SH2B2: variants seen among roughly 807,000 people sequenced by gnomAD.
SH2B2 encodes SH2B adaptor protein 2.
SH2B2 carries 37 observed loss-of-function variants against 35.7 expected under a neutral mutation model. The observed-to-expected ratio is 1.04, with a 90% CI of 0.80 to 1.36. The LOEUF (loss-of-function observed/expected upper bound fraction) is 1.36, where lower values mean the gene tolerates loss of function less well. SH2B2 is among the 40% of genes most tolerant of loss of function. SH2B2 has a pLI of 0.00. For missense variants in SH2B2, 852 were observed against 817.7 expected, an observed-to-expected ratio of 1.04 and a Z score of -0.51; for synonymous variants, 383 against 376.4, an observed-to-expected ratio of 1.02 and a Z score of -0.20.
chr7:102,299,254 A>G (rs1793054608), intron 1 of SH2B2, among the ~76,000 whole-genome samples: 2 of 123,468 alleles, frequency 1.6e-5, no homozygotes, highest in Non-Finnish European at 3.2e-5. Context: ...GCTGGAGTGC[A>G]GTAGTGGGAT....
intron 4 of SH2B2, among the ~76,000 whole-genome samples, chr7:102,313,442 C>T (rs988388767): frequency 2.6e-5 from 4 of 151,878 alleles, no homozygotes; most frequent in African/African-American, 7.3e-5. Flanking sequence ...AGCAAGACTC[C>T]CATCTCAAAA....
Position 102,317,161 on chromosome 7 carries a change from T to C in SH2B2, c.1187-26T>C, listed in dbSNP as rs369927479. On this transcript the variant is annotated intron_variant, in intron 6 of 8. Transcript: ENST00000444095. ...TCCCCCTTTCTCCTTCCCCCCATGTTCCTCACACTGTCATCCCCACCTCAG... is the reference window on the plus strand; with the variant it reads ...TCCCCCTTTCTCCTTCCCCCCATGTCCCTCACACTGTCATCCCCACCTCAG... The C allele has an allele frequency of 3.4e-4, 525 of 1,545,966 alleles. 4 individuals carry two copies. The African/African-American group carries it at 6.5e-3, about 19-fold the overall frequency.
At chr7:102,312,590 G>C (rs1793668678) in intron 4 of SH2B2, among the ~76,000 whole-genome samples, 4 of 152,170 alleles carry the variant, frequency 2.6e-5, no homozygotes, top group South Asian at 2.1e-4. Flanking sequence ...TTGAATGGGG[G>C]TCTTATGACC....
rs577202263 is a variant in SH2B2 at position 102,319,466 on chromosome 7, CT to C, written c.1396-864del. ...TGTTGGCCAGGCTGGTCTTGAACTC[CT>C]GACCTCCCGTGATCCATTCCCCTCA... On this transcript the variant is annotated intron_variant, in intron 7 of 8. Transcript: ENST00000444095. 7.2e-4 allele frequency among the ~76,000 whole-genome samples: 109 copies of C among 152,256 alleles called. 1 individual carries two copies. The highest frequency in any genetic ancestry group is 6.8e-3 in the Middle Eastern group (2 of 294).
At chr7:102,306,934 A>G (rs1793425509) in intron 3 of SH2B2, 112 bp downstream of exon 3, 7 of 802,014 alleles carry the variant, frequency 8.7e-6, no homozygotes, top group Non-Finnish European at 1.5e-5. Context: ...GCAGGACAGT[A>G]GTGGGAGGGA....
intron 3 of SH2B2, among the ~76,000 whole-genome samples, chr7:102,307,341 G>A (rs1438533041): frequency 1.3e-5 from 2 of 152,166 alleles, no homozygotes; most frequent in Non-Finnish European, 2.9e-5. Context: ...GGTTTCTGAG[G>A]ACACGGCTCC....
chr7:102,301,567 TGTGTGTGTGTGTGTGCGCGCGC>T (rs1470889245), intron 2 of SH2B2, among the ~76,000 whole-genome samples: 1 of 143,878 alleles, frequency 7.0e-6, no homozygotes, highest in Non-Finnish European at 1.5e-5. Context: ...TCCGTGTGTG[TGTGTGTGTGTGTGTGCGCGCGC>T]GTGTGTGTGT....
intron 1 of SH2B2, among the ~76,000 whole-genome samples, chr7:102,289,779 A>G (rs1554551440): frequency 6.8e-6 from 1 of 147,646 alleles, no homozygotes; most frequent in African/African-American, 2.5e-5. Flanking sequence ...GAGTTATGAC[A>G]CTGGGGGAGT....
chr7:102,303,341 C>T (rs1368669842), intron 2 of SH2B2, among the ~76,000 whole-genome samples: 1 of 152,126 alleles, frequency 6.6e-6, no homozygotes, highest in African/African-American at 2.4e-5. Context: ...TTTGCTGGTG[C>T]AGCAGCCGAC....
At chr7:102,285,731 G>T (rs1792418730), upstream of SH2B2, among the ~76,000 whole-genome samples, 2 of 152,272 alleles carry the variant, frequency 1.3e-5, no homozygotes, top group Admixed American at 1.3e-4. Flanking sequence ...GAGGGCGACA[G>T]ATGGAGGCAG....
intron 1 of SH2B2, among the ~76,000 whole-genome samples, chr7:102,299,388 G>A (rs943113150): frequency 1.3e-5 from 2 of 149,696 alleles, no homozygotes; most frequent in African/African-American, 4.9e-5. Context: ...TAGTAGAGAC[G>A]GGGTTTCATC....
intron 1 of SH2B2, among the ~76,000 whole-genome samples, chr7:102,294,766 T>C (rs1422718526): frequency 2.0e-5 from 3 of 152,140 alleles, no homozygotes; most frequent in Non-Finnish European, 4.4e-5. Context: ...CCTCTCTCCA[T>C]CTGTAGCCAG....
At chr7:102,298,123 G>T (rs149503382) in intron 1 of SH2B2, among the ~76,000 whole-genome samples, 1 of 152,264 alleles carries the variant, frequency 6.6e-6, no homozygotes, top group East Asian at 1.9e-4. Flanking sequence ...ATATCCAGAG[G>T]GGTAAACAGA....
At chr7:102,286,220 G>A (rs1318509313), upstream of SH2B2, among the ~76,000 whole-genome samples, 1 of 152,238 alleles carries the variant, frequency 6.6e-6, no homozygotes, top group Non-Finnish European at 1.5e-5. Context: ...CTGCGCTCAG[G>A]GGGGCCGTCC....
Position 102,301,185 on chromosome 7 carries a change from C to A in SH2B2, c.635C>A (p.Ser212Tyr). The A allele has an allele frequency of 6.3e-7, 1 of 1,584,228 alleles. No homozygotes were observed. Among genetic ancestry groups the A allele is most frequent in the Non-Finnish European group, 8.6e-7 (1 of 1,167,396 alleles). The change falls in exon 2 of 9, where the codon TCC becomes TAC. Residue 212 changes from serine (S) to tyrosine (Y), a missense_variant. Ser to Tyr is a moderately radical substitution (Grantham distance 144, BLOSUM62 -2). This residue lies in a region of SH2B2 where 556 missense variants were observed against 514.5 expected (regional missense o/e 1.08). Transcript: ENST00000444095. ...GTGGCCGACGACGCGGCCGCGGGCT[C>A]CGGGGGCTCGGCTCAGTGGCAGAAG... ...FMVADDAAAGSGGSAQWQKCR... is the reference protein window; with the variant it reads ...FMVADDAAAGYGGSAQWQKCR...
intron 4 of SH2B2, among the ~76,000 whole-genome samples, chr7:102,312,241 G>A (rs1164913574): frequency 1.3e-5 from 2 of 151,942 alleles, no homozygotes; most frequent in Non-Finnish European, 2.9e-5. Flanking sequence ...GCCTGGTGGT[G>A]GCATGCACCT....
At chr7:102,301,537 CGTGTGTGTGT>C (rs139217859) in intron 2 of SH2B2, among the ~76,000 whole-genome samples, 83 of 148,188 alleles carry the variant, frequency 5.6e-4, no homozygotes, top group African/African-American at 1.8e-3. Flanking sequence ...TTTTTCTTTT[CGTGTGTGTGT>C]GTGTGTGTGT....
intron 1 of SH2B2, among the ~76,000 whole-genome samples, chr7:102,292,680 G>A (rs141898584): frequency 4.0e-5 from 6 of 151,548 alleles, no homozygotes; most frequent in African/African-American, 1.2e-4. Flanking sequence ...ACCCCAGCCT[G>A]GGCCACAGAG....
intron 6 of SH2B2, among the ~76,000 whole-genome samples, chr7:102,315,559 C>A (rs1240838546): frequency 6.6e-6 from 1 of 151,630 alleles, no homozygotes; most frequent in African/African-American, 2.4e-5. Flanking sequence ...GAACTCCTGC[C>A]CTAAGTGCTG....
Sources: gnomAD v4.1 joint callset for allele counts (sites outside exome capture counted in the v4.1 genomes callset) on GRCh38, gnomAD v4.1.1 for gene constraint, gnomAD v4.1.1 regional missense constraint, MANE v1.5 for transcripts, NCBI Gene and HGNC (gene_info 2026-07-23, HGNC 2026-07-21) for gene names.